RALGPS1: variants seen among roughly 807,000 people sequenced by gnomAD.
The protein encoded by RALGPS1 is ras-specific guanine nucleotide-releasing factor RalGPS1.
In RALGPS1, 19 loss-of-function variants were observed where a neutral mutation model predicts 78.8. The observed-to-expected ratio is 0.24, with a 90% CI of 0.17 to 0.35. RALGPS1 has a LOEUF of 0.35. RALGPS1 is among the 10% of genes least tolerant of loss of function. RALGPS1 has a pLI of 1.00. For missense variants in RALGPS1, 454 were observed against 688.3 expected (o/e 0.66, Z 3.81); for synonymous variants, 228 against 256.3 (o/e 0.89, Z 1.06).
rs1438505643 is a variant in RALGPS1, at chr9:127,220,568, C to T, written c.*1799C>T. ...TGACACCGGGTGCTCTGCACACCCA[C>T]GCGGATGTTGCACCTCATTCTCCCG... On this transcript the variant is annotated 3_prime_UTR_variant, in exon 19 of 19. Coordinates refer to ENST00000259351, the MANE Select transcript of RALGPS1 (RefSeq NM_014636.3). 1 of 152,202 alleles carries T rather than the reference C, an allele frequency of 6.6e-6. No homozygotes were observed. The highest frequency in any genetic ancestry group is 1.5e-5 in the Non-Finnish European group (1 of 68,040). The allele number at this position is 152,202 out of a possible 1,614,324, so 9.4% of individuals were successfully genotyped here. A position where few individuals can be genotyped will look rare whatever the true frequency, so the allele number is the denominator to read the frequency against.
intron 1 of RALGPS1, among the ~76,000 whole-genome samples, chr9:126,939,023 C>T (rs1383121960): frequency 6.6e-6 from 1 of 152,188 alleles, no homozygotes; most frequent in Non-Finnish European, 1.5e-5. Flanking sequence ...CCACAAATCT[C>T]TCCTTCCTTG....
At chr9:127,008,836 C>T (rs1311573821) in intron 4 of RALGPS1, among the ~76,000 whole-genome samples, 2 of 152,170 alleles carry the variant, frequency 1.3e-5, no homozygotes, top group Non-Finnish European at 2.9e-5. Flanking sequence ...CTGGCTAGAA[C>T]ATAATCAATG....
chr9:127,008,744 T>G (rs1441614704), intron 4 of RALGPS1, among the ~76,000 whole-genome samples: 2 of 152,210 alleles, frequency 1.3e-5, no homozygotes, highest in African/African-American at 4.8e-5. Context: ...AAATCTTAAT[T>G]ATCTCATCTG....
chr9:127,190,425 G>A (rs1406592514), intron 11 of RALGPS1, among the ~76,000 whole-genome samples: 1 of 152,164 alleles, frequency 6.6e-6, no homozygotes, highest in African/African-American at 2.4e-5. Context: ...CTGGGTTCGA[G>A]CAGTCCTCCC....
chr9:127,011,680 C>T (rs996580875), intron 4 of RALGPS1, among the ~76,000 whole-genome samples: 2 of 152,206 alleles, frequency 1.3e-5, no homozygotes, highest in Admixed American at 1.3e-4. Flanking sequence ...GACTCTCCCT[C>T]TCACCCTAAG....
chr9:126,971,552 A>G (rs189330846), intron 3 of RALGPS1, among the ~76,000 whole-genome samples: 20 of 152,334 alleles, frequency 1.3e-4, no homozygotes, highest in Admixed American at 1.1e-3. Context: ...TGAGCCAAAG[A>G]ATTTATAATA....
intron 8 of RALGPS1, among the ~76,000 whole-genome samples, chr9:127,097,305 G>A (rs539328639): frequency 6.6e-6 from 1 of 152,112 alleles, no homozygotes; most frequent in Non-Finnish European, 1.5e-5. Flanking sequence ...TTCTTTTAAG[G>A]CTTTCTAGAA....
intron 8 of RALGPS1, among the ~76,000 whole-genome samples, chr9:127,100,101 A>T (rs963881046): frequency 6.6e-6 from 1 of 152,226 alleles, no homozygotes; most frequent in Admixed American, 6.5e-5. Context: ...TTTGAAAACA[A>T]CTTGTAGGTT....
In RALGPS1 at chr9:126,962,210, C is replaced by T. The variant is rs190542611; in HGVS notation, c.-65-15C>T. The T allele has an allele frequency of 4.3e-4, 605 of 1,416,876 alleles. No homozygotes were observed. In the African/African-American group the frequency reaches 7.2e-3, roughly 17 times the overall value. The allele number at this position is 1,416,876 out of a possible 1,614,324, so 87.8% of individuals were successfully genotyped here. On this transcript the variant is annotated splice_polypyrimidine_tract_variant and intron_variant, in intron 1 of 18. Coordinates refer to ENST00000259351, the MANE Select transcript of RALGPS1 (RefSeq NM_014636.3). ...GTTTTGAAGACTGATTTTTATGAGC[C>T]CCTTTGCCTTGCAGGACTTCTCCAG...
chr9:127,123,951 GA>G (rs1191437429), intron 8 of RALGPS1, among the ~76,000 whole-genome samples: 2 of 152,142 alleles, frequency 1.3e-5, no homozygotes, highest in Non-Finnish European at 2.9e-5. Flanking sequence ...TGTTAGTGAT[GA>G]TGGTGGTGAT....
At chr9:127,124,798 C>G (rs1482114318) in intron 8 of RALGPS1, among the ~76,000 whole-genome samples, 1 of 152,168 alleles carries the variant, frequency 6.6e-6, no homozygotes, top group African/African-American at 2.4e-5. Context: ...TTTTTAAAGG[C>G]TACATTAGTT....
At chr9:127,160,063 TG>T (rs1188580145) in intron 8 of RALGPS1, among the ~76,000 whole-genome samples, 5 of 151,998 alleles carry the variant, frequency 3.3e-5, no homozygotes, top group Admixed American at 3.3e-4. Context: ...AAACCAGACT[TG>T]GGTTGGAAGT....
chr9:127,137,801 G>A (rs2057502671), intron 8 of RALGPS1, among the ~76,000 whole-genome samples: 1 of 152,206 alleles, frequency 6.6e-6, no homozygotes, highest in South Asian at 2.1e-4. Flanking sequence ...CCTGGTGGGG[G>A]CATGTGTTGA....
chr9:127,191,457 C>T (rs1382729866), intron 11 of RALGPS1, among the ~76,000 whole-genome samples: 1 of 152,162 alleles, frequency 6.6e-6, no homozygotes, highest in Admixed American at 6.5e-5. Context: ...AAAGTTCCTC[C>T]TTTCCCCACT....
intron 8 of RALGPS1, among the ~76,000 whole-genome samples, chr9:127,077,055 G>T (rs2050743947): frequency 6.6e-6 from 1 of 152,188 alleles, no homozygotes; most frequent in Non-Finnish European, 1.5e-5. Context: ...ATTGCTTAGG[G>T]CCTAGACATG....
intron 8 of RALGPS1, among the ~76,000 whole-genome samples, chr9:127,096,013 G>A (rs2053091357): frequency 6.6e-6 from 1 of 152,130 alleles, no homozygotes; most frequent in African/African-American, 2.4e-5. Context: ...GGGGAGGAAG[G>A]ATCTTCTCAC....
intron 10 of RALGPS1, among the ~76,000 whole-genome samples, chr9:127,171,835 T>C (rs546049666): frequency 6.6e-6 from 1 of 152,292 alleles, no homozygotes; most frequent in Admixed American, 6.5e-5. Context: ...TAACTAGGTT[T>C]CCATTGTGAA....
intron 3 of RALGPS1, among the ~76,000 whole-genome samples, chr9:126,971,546 C>G (rs2040120547): frequency 6.6e-6 from 1 of 151,896 alleles, no homozygotes; most frequent in Non-Finnish European, 1.5e-5. Flanking sequence ...AAAAAGTGAG[C>G]CAAAGAATTT....
chr9:126,978,243 C>G (rs10987530), intron 4 of RALGPS1: 88,744 of 151,394 alleles, frequency 0.59, 30,075 homozygotes, highest in East Asian at 0.81. Flanking sequence ...ACTTTGGGAG[C>G]CCTAGGTGGG....
Sources: allele counts gnomAD v4.1 joint callset (sites outside exome capture counted in the v4.1 genomes callset), GRCh38; gene constraint gnomAD v4.1.1; transcripts MANE v1.5; gene names NCBI Gene and HGNC (gene_info 2026-07-23, HGNC 2026-07-21).